The following NLGN1 variants were observed in gnomAD, a reference collection of about 807,000 sequenced individuals.
NLGN1 encodes the protein neuroligin 1.
In NLGN1, 12 loss-of-function variants were observed where a neutral mutation model predicts 65.5. The observed-to-expected ratio is 0.18, with a 90% CI of 0.12 to 0.30. The LOEUF is 0.30. NLGN1 is among the 10% of genes least tolerant of loss of function. The probability of loss-of-function intolerance (pLI) is 1.00; values close to 1 mark genes in which losing one functional copy is unlikely to be tolerated. For missense variants in NLGN1, 750 were observed against 1,007.1 expected, an observed-to-expected ratio of 0.74 and a Z score of 3.46; for synonymous variants, 350 against 359.5, an observed-to-expected ratio of 0.97 and a Z score of 0.30.
intron 3 of NLGN1, among the ~76,000 whole-genome samples, chr3:173,778,862 A>T (rs1780708546): frequency 6.6e-6 from 1 of 151,708 alleles, no homozygotes; most frequent in South Asian, 2.1e-4. Context: ...ATTAATTGAT[A>T]TGACAAAAGG....
chr3:173,948,247 C>T (rs1352921904), intron 4 of NLGN1, among the ~76,000 whole-genome samples: 2 of 152,178 alleles, frequency 1.3e-5, no homozygotes, highest in Non-Finnish European at 2.9e-5. Flanking sequence ...TTATTTACCT[C>T]AGAGCCTAAT....
chr3:174,170,211 A>G (rs1728259484), intron 4 of NLGN1, among the ~76,000 whole-genome samples: 1 of 150,928 alleles, frequency 6.6e-6, no homozygotes, highest in African/African-American at 2.4e-5. Flanking sequence ...CCTCTAATCT[A>G]TCATCTTTGA....
chr3:173,865,174 G>T (rs985562747), intron 4 of NLGN1, among the ~76,000 whole-genome samples: 2 of 152,080 alleles, frequency 1.3e-5, no homozygotes, highest in African/African-American at 4.8e-5. Context: ...GGTTTAGTGT[G>T]AAGTAAATGT....
chr3:173,776,503 A>G (rs1417777311), intron 3 of NLGN1, among the ~76,000 whole-genome samples: 5 of 152,028 alleles, frequency 3.3e-5, no homozygotes, highest in African/African-American at 1.2e-4. Context: ...TTAAGTGTCA[A>G]CTTGTTGTGG....
chr3:173,608,933 G>T (rs192895910), intron 3 of NLGN1, among the ~76,000 whole-genome samples: 8 of 151,928 alleles, frequency 5.3e-5, no homozygotes, highest in Admixed American at 2.6e-4. Flanking sequence ...AATTACTTTT[G>T]CGCCAATCTA....
At chr3:174,291,676 G>T in the NLGN1 span, among the ~76,000 whole-genome samples, 1 of 151,214 alleles carries the variant, frequency 6.6e-6, no homozygotes, top group East Asian at 1.9e-4. Flanking sequence ...AGTATGAAGG[G>T]CATGGACAAA....
At chr3:173,583,160 G>A (rs539552107) in intron 2 of NLGN1, among the ~76,000 whole-genome samples, 310 of 152,158 alleles carry the variant, frequency 2.0e-3, no homozygotes, top group African/African-American at 7.3e-3. Context: ...AGTTCATATT[G>A]GAACTTCCTG....
intron 3 of NLGN1, among the ~76,000 whole-genome samples, chr3:173,799,184 GCTGTCT>G (rs567467415): frequency 2.6e-5 from 4 of 151,706 alleles, no homozygotes; most frequent in Non-Finnish European, 5.9e-5. Flanking sequence ...TATGTGATTG[GCTGTCT>G]TTTAACTTGA....
chr3:173,539,756 T>TATATAAC (rs1560407319), intron 2 of NLGN1, among the ~76,000 whole-genome samples: 1 of 85,514 alleles, frequency 1.2e-5, no homozygotes. Flanking sequence ...ATATATAACA[T>TATATAAC]ATACATGTAC....
intron 4 of NLGN1, among the ~76,000 whole-genome samples, chr3:174,038,833 A>G (rs1731674583): frequency 6.6e-6 from 1 of 152,128 alleles, no homozygotes; most frequent in South Asian, 2.1e-4. Flanking sequence ...ACACTCTTCA[A>G]AGTGGCTTCC....
chr3:174,002,372 C>T (rs1723469332), intron 4 of NLGN1, among the ~76,000 whole-genome samples: 4 of 152,158 alleles, frequency 2.6e-5, no homozygotes, highest in Admixed American at 2.6e-4. Context: ...AAGTGATCCA[C>T]CCTCCTCGGC....
At chr3:173,892,258 T>C (rs958655751) in intron 4 of NLGN1, among the ~76,000 whole-genome samples, 4 of 151,828 alleles carry the variant, frequency 2.6e-5, no homozygotes, top group African/African-American at 4.8e-5. Flanking sequence ...TGAAAACTTA[T>C]TACTTTATAA....
At chr3:173,923,980 A>C (rs1742535025) in intron 4 of NLGN1, among the ~76,000 whole-genome samples, 1 of 152,150 alleles carries the variant, frequency 6.6e-6, no homozygotes, top group African/African-American at 2.4e-5. Context: ...TTTTCTCAAA[A>C]CTGACATCTA....
At chr3:173,982,060 T>C (rs1346059845) in intron 4 of NLGN1, among the ~76,000 whole-genome samples, 2 of 152,122 alleles carry the variant, frequency 1.3e-5, no homozygotes, top group Non-Finnish European at 2.9e-5. Context: ...ATAGTATCCT[T>C]AATTTATGAG....
At chr3:173,428,817 A>T (rs1008954885) in intron 1 of NLGN1, among the ~76,000 whole-genome samples, 1 of 151,634 alleles carries the variant, frequency 6.6e-6, no homozygotes, top group Non-Finnish European at 1.5e-5. Flanking sequence ...AGCATTTCTT[A>T]TAAGCTCAGT....
rs181385727 is a variant in NLGN1, at chr3:174,016,416, A to C, written c.646+208584A>C. On this transcript the variant is annotated intron_variant, in intron 4 of 6. Coordinates refer to ENST00000457714, the Ensembl canonical transcript of NLGN1. Reference sequence around the variant, plus strand: ...CATGGCTGATTCACACAGCATTGCAATGAAAGAATAAGTACATCTCGGAAA... The same window carrying C: ...CATGGCTGATTCACACAGCATTGCACTGAAAGAATAAGTACATCTCGGAAA... Among the ~76,000 whole-genome samples, 7 of 152,332 alleles carry C rather than the reference A, an allele frequency of 4.6e-5. No homozygotes were observed. In the East Asian group the frequency reaches 5.8e-4, roughly 13 times the overall value.
intron 2 of NLGN1, among the ~76,000 whole-genome samples, chr3:173,479,761 A>G (rs2148961657): frequency 6.6e-6 from 1 of 152,334 alleles, no homozygotes; most frequent in South Asian, 2.1e-4. Flanking sequence ...ACAACAGGGA[A>G]AAAGAGCTAT....
At chr3:173,520,064 G>A (rs1034412277) in intron 2 of NLGN1, among the ~76,000 whole-genome samples, 2 of 152,130 alleles carry the variant, frequency 1.3e-5, no homozygotes, top group African/African-American at 2.4e-5. Context: ...AAAGTGTGTA[G>A]CACCTTCCTC....
chr3:173,438,878 C>T (rs763932035), intron 2 of NLGN1, among the ~76,000 whole-genome samples: 17 of 152,086 alleles, frequency 1.1e-4, no homozygotes, highest in Non-Finnish European at 1.6e-4. Flanking sequence ...CCATAGTTAT[C>T]GTGTGGACAT....
Sources: allele counts gnomAD v4.1 joint callset (sites outside exome capture counted in the v4.1 genomes callset), GRCh38; gene constraint gnomAD v4.1.1; transcripts MANE v1.5; gene names NCBI Gene and HGNC (gene_info 2026-07-23, HGNC 2026-07-21).